The following RBM20 variants were observed in gnomAD, a reference collection of about 807,000 sequenced individuals.
RBM20 encodes the protein RNA-binding protein 20.
A neutral mutation model predicts 110.1 loss-of-function variants in RBM20; 51 were observed. That is an observed-to-expected ratio of 0.46 (90% CI 0.37 to 0.59). RBM20 has a LOEUF of 0.59. RBM20 is among the 20% of genes least tolerant of loss of function. RBM20 has a pLI of 0.00. For synonymous variants in RBM20, 589 were observed against 618.2 expected, an observed-to-expected ratio of 0.95 and a Z score of 0.70; for missense variants, 1,512 against 1,574.9, an observed-to-expected ratio of 0.96 and a Z score of 0.68.
intron 12 of RBM20, among the ~76,000 whole-genome samples, chr10:110,826,808 G>T (rs1426140411): frequency 1.3e-5 from 2 of 151,894 alleles, no homozygotes; most frequent in Non-Finnish European, 2.9e-5. Context: ...AACTGTTGGG[G>T]TCTTGAACTC....
At chr10:110,804,159 C>G (rs181936191) in intron 7 of RBM20, among the ~76,000 whole-genome samples, 51 of 152,338 alleles carry the variant, frequency 3.3e-4, no homozygotes, top group Admixed American at 8.5e-4. Flanking sequence ...TCTGACTGGA[C>G]TAGCTTAGCA....
At chr10:110,782,642 C>T (rs886442598) in intron 2 of RBM20, among the ~76,000 whole-genome samples, 2 of 152,120 alleles carry the variant, frequency 1.3e-5, no homozygotes, top group Non-Finnish European at 2.9e-5. Flanking sequence ...CTTACTCAGC[C>T]CCTTCTCCCC....
At chr10:110,796,799 A>G (rs1590685263) in intron 5 of RBM20, among the ~76,000 whole-genome samples, 1 of 152,178 alleles carries the variant, frequency 6.6e-6, no homozygotes, top group Non-Finnish European at 1.5e-5. Context: ...CCTTCTTGTC[A>G]TGGCTATGTA....
At chr10:110,668,895 A>T (rs1862219253) in intron 1 of RBM20, among the ~76,000 whole-genome samples, 1 of 151,406 alleles carries the variant, frequency 6.6e-6, no homozygotes, top group Non-Finnish European at 1.5e-5. Flanking sequence ...ATTAAAAAAA[A>T]AAAAACCAAA....
intron 1 of RBM20, among the ~76,000 whole-genome samples, chr10:110,748,407 A>G (rs1843810453): frequency 1.3e-5 from 2 of 152,142 alleles, no homozygotes; most frequent in Admixed American, 6.5e-5. Flanking sequence ...GGGGAACTAA[A>G]CCAGTGTGCA....
At chr10:110,703,879 C>T (rs917937120) in intron 1 of RBM20, among the ~76,000 whole-genome samples, 6 of 152,080 alleles carry the variant, frequency 3.9e-5, no homozygotes, top group Admixed American at 6.6e-5. Context: ...TGGGAGGCCA[C>T]GGTGGGTGGA....
chr10:110,755,784 T>C (rs1843913214), intron 1 of RBM20, among the ~76,000 whole-genome samples: 1 of 152,190 alleles, frequency 6.6e-6, no homozygotes, highest in Admixed American at 6.5e-5. Context: ...CATCTGTTGT[T>C]TCCTCAAGGG....
At chr10:110,704,262 A>G (rs4918568) in intron 1 of RBM20, among the ~76,000 whole-genome samples, 46,644 of 152,106 alleles carry the variant, frequency 0.31, 7,255 homozygotes, top group East Asian at 0.32. Flanking sequence ...TCCAGGGTAT[A>G]TATGTACCAC....
At chr10:110,808,295 C>T (rs773120985) in intron 7 of RBM20, among the ~76,000 whole-genome samples, 6 of 152,222 alleles carry the variant, frequency 3.9e-5, no homozygotes, top group Admixed American at 6.5e-5. Flanking sequence ...TCTTCTTGGC[C>T]GACACCAACA....
rs794729153 is a variant in RBM20 at position 110,820,109 on chromosome 10, C to G, written c.2588C>G (p.Pro863Arg). ...GAACAGGAGGGCATGGAAGAAAGCC[C>G]TCAATCAGTGGGCAGACAGGAGAAA... ...KEEQEGMEES[P>R]QSVGRQEKEA... The change falls in exon 10 of 14, where the codon CCT becomes CGT. Residue 863 changes from proline to arginine, a missense_variant. Coordinates refer to ENST00000369519, the MANE Select transcript of RBM20 (RefSeq NM_001134363.3). 3.9e-6 allele frequency: 6 copies of G among 1,551,294 alleles called. No individual in the cohort carries two copies. Among genetic ancestry groups the G allele is most frequent in the Non-Finnish European group, 5.2e-6 (6 of 1,146,756 alleles).
intron 4 of RBM20, 61 bp downstream of exon 4, chr10:110,784,493 A>T: frequency 1.6e-6 from 2 of 1,214,526 alleles, no homozygotes; most frequent in Non-Finnish European, 2.4e-6. Flanking sequence ...CAGGCACATT[A>T]TGTCCTGTCT....
In RBM20 at chr10:110,775,409, G is replaced by T. The variant is rs557292414; in HGVS notation, c.192-5392G>T. ...TACCATGCTCTGGGCTGTGGTTCTT[G>T]GCTCCTGCTTCTGGATGGCTGGACA... On this transcript the variant is annotated intron_variant, in intron 1 of 13. Coordinates refer to ENST00000369519, the MANE Select transcript of RBM20 (RefSeq NM_001134363.3). Among the ~76,000 whole-genome samples, 36 of 152,278 alleles carry T rather than the reference G, an allele frequency of 2.4e-4. 1 individual carries two copies. In the South Asian group the frequency reaches 4.2e-3, roughly 18 times the overall value.
intron 5 of RBM20, 48 bp downstream of exon 5, chr10:110,784,937 GTTTA>G (rs375905616): frequency 3.3e-6 from 4 of 1,207,738 alleles, no homozygotes; most frequent in African/African-American, 3.0e-5. Flanking sequence ...ATGATTATTA[GTTTA>G]TTTATTTGTT....
intron 5 of RBM20, among the ~76,000 whole-genome samples, chr10:110,790,935 A>G (rs550328550): frequency 2.0e-5 from 3 of 152,260 alleles, no homozygotes; most frequent in South Asian, 2.1e-4. Flanking sequence ...TGACCTCCCA[A>G]TTTTAACGTT....
rs899130510 is a variant in RBM20, at chr10:110,644,960, T to A, written c.191+315T>A. 5.3e-5 allele frequency among the ~76,000 whole-genome samples: 8 copies of A among 152,164 alleles called. No individual in the cohort carries two copies. The highest frequency in any genetic ancestry group is 2.0e-4 in the Admixed American group (3 of 15,282). ...GAAATGGCCCAGCGACTGTATTTCA[T>A]CTTTCTGGTCCCAAGAGGACGCTGG... On this transcript the variant is annotated intron_variant, in intron 1 of 13. Coordinates refer to ENST00000369519, the MANE Select transcript of RBM20 (RefSeq NM_001134363.3). The surrounding 1 kb of genome is among the most constrained non-coding windows in gnomAD (Gnocchi z 4.3).
rs952032998 is a variant in RBM20 at position 110,781,956 on chromosome 10, C to T, written c.1275+72C>T. 652 of 1,531,466 alleles carry T rather than the reference C, an allele frequency of 4.3e-4. 7 individuals are homozygous for T. Among genetic ancestry groups the T allele is most frequent in the African/African-American group, 1.5e-4 (11 of 72,880 alleles). 94.9% of individuals were successfully genotyped at this position (1,531,466 alleles called of 1,614,324 possible). A position where few individuals can be genotyped will look rare whatever the true frequency, so the allele number is the denominator to read the frequency against. Reference sequence around the variant, plus strand: ...AGGCCTTTCCCCATGACCCAACTCACGCTGCCAATGGGCAAGGAACTGTTG... The same window carrying T: ...AGGCCTTTCCCCATGACCCAACTCATGCTGCCAATGGGCAAGGAACTGTTG... On this transcript the variant is annotated intron_variant, in intron 2 of 13. Coordinates refer to ENST00000369519, the MANE Select transcript of RBM20 (RefSeq NM_001134363.3).
At chr10:110,666,114 A>G (rs534213004) in intron 1 of RBM20, among the ~76,000 whole-genome samples, 1 of 152,316 alleles carries the variant, frequency 6.6e-6, no homozygotes, top group East Asian at 1.9e-4. Flanking sequence ...ATTAGCTTCA[A>G]AATAATGAAG....
intron 1 of RBM20, among the ~76,000 whole-genome samples, chr10:110,754,631 A>G (rs971931631): frequency 6.6e-6 from 1 of 152,216 alleles, no homozygotes; most frequent in Non-Finnish European, 1.5e-5. Context: ...AAACACTTCA[A>G]TAAGATTTTC....
chr10:110,835,948 C>T lies in RBM20; in HGVS notation c.3654C>T (p.Ile1218=), dbSNP rs1235947843. The change falls in exon 14 of 14, where the codon ATC becomes ATT. Residue 1218 remains isoleucine (I), a synonymous_variant. Transcript: ENST00000369519. ...GCCCGAGGCCAGAGGACAGCGGAATCGTGCCACGCTTCGAAAGGAAAAAGC... is the reference window on the plus strand; with the variant it reads ...GCCCGAGGCCAGAGGACAGCGGAATTGTGCCACGCTTCGAAAGGAAAAAGC... ...ADSPRPEDSG[I]VPRFERKKL The T allele has an allele frequency of 6.6e-6, 9 of 1,365,754 alleles. No individual in the cohort carries two copies. The highest frequency in any genetic ancestry group is 2.1e-5 in the Admixed American group (1 of 48,744). The allele number at this position is 1,365,754 out of a possible 1,614,324, so 84.6% of individuals were successfully genotyped here.
Sources: allele counts gnomAD v4.1 joint callset (sites outside exome capture counted in the v4.1 genomes callset), GRCh38; gene constraint gnomAD v4.1.1; non-coding constraint Gnocchi (gnomAD v3.1); transcripts MANE v1.5; gene names NCBI Gene and HGNC (gene_info 2026-07-23, HGNC 2026-07-21).